The following RYR3 variants were observed in gnomAD, a reference collection of about 807,000 sequenced individuals.
RYR3 encodes the protein brain ryanodine receptor-calcium release channel.
Under a neutral mutation model 584.3 loss-of-function variants are expected in RYR3, and 207 were observed. The observed-to-expected ratio is 0.35, with a 90% CI of 0.32 to 0.40. The LOEUF (loss-of-function observed/expected upper bound fraction) is 0.40, where lower values mean the gene tolerates loss of function less well. Ranked by LOEUF, RYR3 falls within the 10% of genes least tolerant of loss-of-function variation. The probability of loss-of-function intolerance (pLI) is 1.00; values close to 1 mark genes in which losing one functional copy is unlikely to be tolerated. For missense variants in RYR3, 5,616 were observed against 6,089.2 expected, an observed-to-expected ratio of 0.92 and a Z score of 2.59; for synonymous variants, 2,416 against 2,248.5, an observed-to-expected ratio of 1.07 and a Z score of -2.11.
At chr15:33,565,988 A>C (rs1364093484) in intron 11 of RYR3, among the ~76,000 whole-genome samples, 3 of 152,208 alleles carry the variant, frequency 2.0e-5, no homozygotes, top group Non-Finnish European at 4.4e-5. Context: ...AAATCATTGA[A>C]TCTTCCAACC....
At chr15:33,439,695 C>G (rs1409295081) in intron 1 of RYR3, among the ~76,000 whole-genome samples, 1 of 152,148 alleles carries the variant, frequency 6.6e-6, no homozygotes, top group Non-Finnish European at 1.5e-5. Flanking sequence ...TAAATCTTCA[C>G]TTTCCTTATG....
rs543376354 is a variant in RYR3, at chr15:33,616,069, A to G, written c.2357+2694A>G. Among the ~76,000 whole-genome samples, 12 of 152,288 alleles carry G rather than the reference A, an allele frequency of 7.9e-5. 1 individual carries two copies. The highest frequency in any genetic ancestry group is 3.4e-3 in the Middle Eastern group (1 of 294). On this transcript the variant is annotated intron_variant, in intron 19 of 103. Transcript: ENST00000634891. Reference sequence around the variant, plus strand: ...TAGCTGGTGGCCTTGGTCACCCACCATTAATACTGCTCCCACTTTTACTTA... The same window carrying G: ...TAGCTGGTGGCCTTGGTCACCCACCGTTAATACTGCTCCCACTTTTACTTA...
intron 23 of RYR3, 83 bp from the exon 24 acceptor site, chr15:33,632,866 T>G: frequency 8.2e-7 from 1 of 1,226,972 alleles, no homozygotes; most frequent in Non-Finnish European, 1.2e-6. Flanking sequence ...GTAGCGTTCT[T>G]ACCATGTGCT....
chr15:33,657,881 C>A (rs2062912152), intron 32 of RYR3, among the ~76,000 whole-genome samples: 1 of 152,166 alleles, frequency 6.6e-6, no homozygotes, highest in Non-Finnish European at 1.5e-5. Context: ...TCATCATGAA[C>A]AAATGATAGC....
intron 4 of RYR3, among the ~76,000 whole-genome samples, chr15:33,532,343 A>G (rs1210524786): frequency 6.6e-6 from 1 of 152,142 alleles, no homozygotes; most frequent in Non-Finnish European, 1.5e-5. Flanking sequence ...TTTAAAGCTC[A>G]TAGAAAATTT....
chr15:33,346,463 C>T (rs1972474447), intron 1 of RYR3, among the ~76,000 whole-genome samples: 1 of 152,190 alleles, frequency 6.6e-6, no homozygotes, highest in Admixed American at 6.5e-5. Flanking sequence ...CATGCAGCTG[C>T]AAGAGCAGGA....
intron 2 of RYR3, among the ~76,000 whole-genome samples, chr15:33,480,374 A>G (rs1016467258): frequency 6.6e-6 from 1 of 152,220 alleles, no homozygotes; most frequent in African/African-American, 2.4e-5. Flanking sequence ...TCAAAATTGT[A>G]ATATGCTTTA....
At chr15:33,444,834 A>C (rs2046495495) in intron 1 of RYR3, among the ~76,000 whole-genome samples, 1 of 152,198 alleles carries the variant, frequency 6.6e-6, no homozygotes, top group Non-Finnish European at 1.5e-5. Flanking sequence ...GCAGCACACC[A>C]ACATGGCACA....
chr15:33,596,263 C>T (rs2059365870), intron 16 of RYR3, among the ~76,000 whole-genome samples: 1 of 151,476 alleles, frequency 6.6e-6, no homozygotes, highest in South Asian at 2.1e-4. Context: ...TTGGAAAATA[C>T]CCAAATAGTG....
chr15:33,730,480 TC>T (rs200360519), intron 47 of RYR3, among the ~76,000 whole-genome samples: 3,163 of 152,352 alleles, frequency 0.021, 55 homozygotes, highest in Middle Eastern at 0.058. Context: ...TAGCTGTTTC[TC>T]CCAGCATGAT....
chr15:33,726,348 C>T (rs780459899), intron 45 of RYR3, 38 bp from the exon 46 acceptor site: 24 of 1,609,430 alleles, frequency 1.5e-5, no homozygotes, highest in South Asian at 2.2e-5. Context: ...GTGTGGGAAC[C>T]TCACTTATCT....
intron 1 of RYR3, among the ~76,000 whole-genome samples, chr15:33,389,992 C>A (rs1240504786): frequency 1.3e-5 from 2 of 152,078 alleles, no homozygotes; most frequent in African/African-American, 4.8e-5. Flanking sequence ...ATGAAGAGGG[C>A]CATGTATTTA....
chr15:33,699,954 A>AAG, intron 41 of RYR3, 121 bp downstream of exon 41: 1 of 956,802 alleles, frequency 1.0e-6, no homozygotes. Flanking sequence ...TAAATACTAG[A>AAG]AGAGACTCTG....
At chr15:33,707,175 A>C in intron 43 of RYR3, 121 bp downstream of exon 43, 1 of 1,160,652 alleles carries the variant, frequency 8.6e-7, no homozygotes, top group Non-Finnish European at 1.2e-6. Context: ...GTGGCTGGCA[A>C]GAGAAATCTT....
intron 31 of RYR3, 130 bp from the exon 32 acceptor site, chr15:33,652,588 T>C: frequency 1.1e-6 from 1 of 895,296 alleles, no homozygotes; most frequent in South Asian, 1.7e-5. Flanking sequence ...GAAAAAAAAG[T>C]ATTTGGGGCT....
At chr15:33,817,602 T>C (rs1038354597) in intron 75 of RYR3, among the ~76,000 whole-genome samples, 4 of 152,238 alleles carry the variant, frequency 2.6e-5, no homozygotes, top group Non-Finnish European at 5.9e-5. Context: ...CCTGTGTTTC[T>C]GATAGTCACT....
At position 33,838,114 on chromosome 15, in the gene RYR3, ATT is replaced by A; in HGVS notation, c.12137_12138del (p.Phe4046Ter). 6.2e-7 allele frequency: 1 copy of A among 1,613,920 alleles called. No individual in the cohort carries two copies. Among genetic ancestry groups the A allele is most frequent in the Non-Finnish European group, 8.5e-7 (1 of 1,179,880 alleles). Reference sequence around the variant, plus strand: ...GGGGCCAAGAAGATTGAGCGTGTTTATTTTGAGATCAGTGAATCCAGTCGCAC... The same window carrying A: ...GGGGCCAAGAAGATTGAGCGTGTTTATTGAGATCAGTGAATCCAGTCGCAC... On this transcript the variant is annotated frameshift_variant, in exon 89 of 104. Coordinates refer to ENST00000634891, the MANE Select transcript of RYR3 (RefSeq NM_001036.6). LOFTEE classifies it high-confidence loss of function.
chr15:33,834,498 T>G (rs1271709490), intron 86 of RYR3, among the ~76,000 whole-genome samples: 1 of 151,702 alleles, frequency 6.6e-6, no homozygotes, highest in Non-Finnish European at 1.5e-5. Flanking sequence ...TTTAACTTAA[T>G]TAGATAGCTG....
chr15:33,861,455 C>CTTCT, intron 102 of RYR3, among the ~76,000 whole-genome samples: 1 of 151,356 alleles, frequency 6.6e-6, no homozygotes, highest in East Asian at 2.0e-4. Context: ...CTCTACTGGA[C>CTTCT]TTCTTCTATC....
Sources: allele counts gnomAD v4.1 joint callset (sites outside exome capture counted in the v4.1 genomes callset), GRCh38; gene constraint gnomAD v4.1.1; transcripts MANE v1.5; gene names NCBI Gene and HGNC (gene_info 2026-07-23, HGNC 2026-07-21).